Variants in EYS observed in about 807,000 individuals in gnomAD.
EYS encodes the protein protein eyes shut homolog.
In EYS, 250 loss-of-function variants were observed where a neutral mutation model predicts 282.1. The ratio of observed to expected loss-of-function variants is 0.89; its 90% CI spans 0.80 to 0.98. EYS has a LOEUF of 0.98. Among genes scored for constraint, EYS ranks in the 50% least tolerant of loss-of-function variants. The probability of loss-of-function intolerance (pLI) is 0.00; values close to 1 mark genes in which losing one functional copy is unlikely to be tolerated. For missense variants in EYS, 4,016 were observed against 3,709.0 expected (o/e 1.08, Z -2.15); for synonymous variants, 1,355 against 1,282.9 (o/e 1.06, Z -1.20).
intron 12 of EYS, among the ~76,000 whole-genome samples, chr6:65,064,399 TATATC>T (rs1418791255): frequency 1.4e-5 from 2 of 145,318 alleles, no homozygotes; most frequent in Non-Finnish European, 3.0e-5. Context: ...TAGTATACGA[TATATC>T]ATATATACTA....
intron 31 of EYS, among the ~76,000 whole-genome samples, chr6:64,132,624 A>T (rs1429854058): frequency 6.6e-6 from 1 of 151,964 alleles, no homozygotes; most frequent in Non-Finnish European, 1.5e-5. Context: ...TTAAGTTATG[A>T]TGATTAAAAA....
chr6:65,372,885 T>A (rs949154473), intron 8 of EYS, among the ~76,000 whole-genome samples: 3 of 152,106 alleles, frequency 2.0e-5, no homozygotes, highest in Non-Finnish European at 4.4e-5. Flanking sequence ...TTTTCCAGCC[T>A]ATTTTATTAA....
intron 42 of EYS, among the ~76,000 whole-genome samples, chr6:63,723,850 CCTG>C (rs1768509266): frequency 6.7e-6 from 1 of 150,032 alleles, no homozygotes. Context: ...AGACCAGAGT[CCTG>C]CTCTGTCCCC....
chr6:64,209,697 C>T (rs1382045238), intron 31 of EYS, among the ~76,000 whole-genome samples: 1 of 152,130 alleles, frequency 6.6e-6, no homozygotes, highest in Admixed American at 6.6e-5. Flanking sequence ...GCTTTTAGAA[C>T]AGCTCTTGTT....
intron 18 of EYS, among the ~76,000 whole-genome samples, chr6:64,893,237 C>T (rs1051642219): frequency 1.3e-5 from 2 of 151,990 alleles, no homozygotes; most frequent in African/African-American, 2.4e-5. Context: ...TTAATTGGGG[C>T]TGTCATTCAT....
chr6:65,681,804 T>G (rs1293736310), intron 1 of EYS, among the ~76,000 whole-genome samples: 3 of 151,918 alleles, frequency 2.0e-5, no homozygotes, highest in Non-Finnish European at 4.4e-5. Flanking sequence ...GTAAAGAATC[T>G]TTGAGCCTCT....
In EYS at chr6:63,963,026, G is replaced by A. The variant is rs79637145; in HGVS notation, c.7055+21357C>T. Reference sequence around the variant, plus strand: ...TTGCAAGTGCAAAAAACCAAACACCGCATGTTTTCACTCATAGGTGGGAAT... The same window carrying A: ...TTGCAAGTGCAAAAAACCAAACACCACATGTTTTCACTCATAGGTGGGAAT... On this transcript the variant is annotated intron_variant, in intron 35 of 42. Transcript: ENST00000503581. Among the ~76,000 whole-genome samples the A allele has an allele frequency of 1.1e-4, 16 of 148,754 alleles. No homozygotes were observed. In the East Asian group the frequency reaches 1.4e-3, roughly 13 times the overall value.
chr6:64,049,225 T>C (rs1162428508), intron 33 of EYS, among the ~76,000 whole-genome samples: 2 of 152,190 alleles, frequency 1.3e-5, no homozygotes, highest in East Asian at 1.9e-4. Context: ...TAAACAGTCA[T>C]GTATCTACCT....
chr6:64,553,018 T>C (rs545912827), intron 26 of EYS, among the ~76,000 whole-genome samples: 7 of 150,150 alleles, frequency 4.7e-5, no homozygotes, highest in Middle Eastern at 3.4e-3. Flanking sequence ...CCCGACTTTC[T>C]GTACAGATTC....
At chr6:64,154,178 C>T (rs1330825713) in intron 31 of EYS, among the ~76,000 whole-genome samples, 7 of 152,116 alleles carry the variant, frequency 4.6e-5, no homozygotes, top group African/African-American at 9.7e-5. Flanking sequence ...CGGTGGCTCA[C>T]GCCTGTAATC....
At chr6:64,476,315 G>A (rs997564504) in intron 26 of EYS, among the ~76,000 whole-genome samples, 1 of 151,986 alleles carries the variant, frequency 6.6e-6, no homozygotes, top group Non-Finnish European at 1.5e-5. Context: ...GCTCCCTGAA[G>A]GTCTGCTACA....
At chr6:64,025,338 A>G (rs1769441746) in intron 33 of EYS, among the ~76,000 whole-genome samples, 1 of 152,130 alleles carries the variant, frequency 6.6e-6, no homozygotes, top group South Asian at 2.1e-4. Context: ...AGGTCCCAAC[A>G]ACAAGTTGGT....
chr6:64,869,202 C>T (rs562469728), intron 19 of EYS, among the ~76,000 whole-genome samples: 1 of 151,480 alleles, frequency 6.6e-6, no homozygotes, highest in Non-Finnish European at 1.5e-5. Flanking sequence ...AAATAACTAC[C>T]ATGTTCCATA....
chr6:63,845,270 C>A (rs528908925), intron 36 of EYS, among the ~76,000 whole-genome samples: 1 of 152,164 alleles, frequency 6.6e-6, no homozygotes, highest in Non-Finnish European at 1.5e-5. Context: ...GTGACTTGTT[C>A]AAGGCCATGT....
chr6:65,353,126 T>G (rs147851781), intron 9 of EYS, among the ~76,000 whole-genome samples: 131 of 152,048 alleles, frequency 8.6e-4, no homozygotes, highest in Non-Finnish European at 1.5e-3. Flanking sequence ...CCTGTTTTCA[T>G]AAGAGCATTT....
Position 65,243,307 on chromosome 6 carries a change from T to A in EYS, c.2023+52556A>T, listed in dbSNP as rs961610220. Among the ~76,000 whole-genome samples the A allele has an allele frequency of 3.3e-5, 5 of 152,206 alleles. No homozygotes were observed. The East Asian group carries it at 9.6e-4, about 29-fold the overall frequency. On this transcript the variant is annotated intron_variant, in intron 12 of 42. Coordinates refer to ENST00000503581, the MANE Select transcript of EYS (RefSeq NM_001142800.2). The stretch of plus-strand genomic sequence containing the variant: ...ATTAAGATTTTGGTTTTCTAGTACA[T>A]ATACAAGATATGGCTACACTATACT...
chr6:64,855,608 T>C (rs1038826346), intron 19 of EYS, among the ~76,000 whole-genome samples: 6 of 152,180 alleles, frequency 3.9e-5, no homozygotes, highest in Non-Finnish European at 8.8e-5. Flanking sequence ...TTAACCACAA[T>C]GATGATCCAA....
intron 28 of EYS, among the ~76,000 whole-genome samples, chr6:64,392,270 G>T (rs1773180597): frequency 6.8e-6 from 1 of 147,548 alleles, no homozygotes; most frequent in Non-Finnish European, 1.5e-5. Context: ...TCTGCACCAA[G>T]CAGACCTAAT....
At chr6:64,074,380 A>G (rs1388338044) in intron 32 of EYS, among the ~76,000 whole-genome samples, 2 of 151,310 alleles carry the variant, frequency 1.3e-5, no homozygotes, top group East Asian at 3.9e-4. Flanking sequence ...ACATGGAGAA[A>G]CAATGATATT....
Sources: allele counts gnomAD v4.1 joint callset (sites outside exome capture counted in the v4.1 genomes callset), GRCh38; gene constraint gnomAD v4.1.1; transcripts MANE v1.5; gene names NCBI Gene and HGNC (gene_info 2026-07-23, HGNC 2026-07-21).